The following KIF5C variants were observed in gnomAD, a reference collection of about 807,000 sequenced individuals.
KIF5C encodes the protein kinesin heavy chain isoform 5C.
KIF5C carries 18 observed loss-of-function variants against 125.2 expected under a neutral mutation model. The ratio of observed to expected loss-of-function variants is 0.14; its 90% CI spans 0.10 to 0.21. KIF5C has a LOEUF of 0.21. Ranked by LOEUF, KIF5C falls within the 10% of genes least tolerant of loss-of-function variation. The probability of loss-of-function intolerance (pLI) is 1.00; values close to 1 mark genes in which losing one functional copy is unlikely to be tolerated. For missense variants in KIF5C, 780 were observed against 1,183.8 expected (o/e 0.66, Z 5.01); for synonymous variants, 405 against 434.0 (o/e 0.93, Z 0.83).
intron 1 of KIF5C, among the ~76,000 whole-genome samples, chr2:148,896,226 T>A (rs1373158402): frequency 1.3e-5 from 2 of 152,084 alleles, no homozygotes; most frequent in Non-Finnish European, 2.9e-5. Flanking sequence ...AAGTTTAGAT[T>A]CCCTAGAAGA....
rs190474063 is a variant in KIF5C, at chr2:148,984,931, C to T, written c.1716+1165C>T. 4.0e-4 allele frequency among the ~76,000 whole-genome samples: 61 copies of T among 152,274 alleles called. No homozygotes were observed. In the East Asian group the frequency reaches 0.011, roughly 27 times the overall value. ...TCAGTCTGCCGAGTAGCTGGGATTACAGGCATGTGCCACCAGGCCCTGCTA... is the reference window on the plus strand; with the variant it reads ...TCAGTCTGCCGAGTAGCTGGGATTATAGGCATGTGCCACCAGGCCCTGCTA... On this transcript the variant is annotated intron_variant, in intron 15 of 25. Coordinates refer to ENST00000435030, the MANE Select transcript of KIF5C (RefSeq NM_004522.3).
At chr2:148,932,265 G>A (rs968914226) in intron 3 of KIF5C, among the ~76,000 whole-genome samples, 1 of 152,196 alleles carries the variant, frequency 6.6e-6, no homozygotes, top group African/African-American at 2.4e-5. Flanking sequence ...GAGTGTCCCT[G>A]AGTGGAAAGA....
At chr2:148,916,555 CT>C (rs1464530729) in intron 1 of KIF5C, among the ~76,000 whole-genome samples, 2 of 151,968 alleles carry the variant, frequency 1.3e-5, no homozygotes, top group East Asian at 1.9e-4. Flanking sequence ...ATGACCGTCA[CT>C]TTTTCATTTC....
At chr2:148,905,535 G>C (rs1417199561) in intron 1 of KIF5C, among the ~76,000 whole-genome samples, 1 of 152,026 alleles carries the variant, frequency 6.6e-6, no homozygotes, top group Non-Finnish European at 1.5e-5. Context: ...GAGGAAGGAT[G>C]CTGGGAGTGT....
intron 25 of KIF5C, among the ~76,000 whole-genome samples, chr2:149,013,765 G>T (rs1486823612): frequency 6.6e-6 from 1 of 152,054 alleles, no homozygotes; most frequent in Non-Finnish European, 1.5e-5. Flanking sequence ...TTCCAACAAA[G>T]GTCTGCCAGT....
chr2:148,940,941 A>T (rs1468066826), intron 4 of KIF5C, among the ~76,000 whole-genome samples: 1 of 152,182 alleles, frequency 6.6e-6, no homozygotes, highest in South Asian at 2.1e-4. Context: ...TGGGATTCGG[A>T]TTCAGCAGGA....
At chr2:148,976,249 ATTTATT>A (rs1289088340) in intron 12 of KIF5C, among the ~76,000 whole-genome samples, 1 of 111,256 alleles carries the variant, frequency 9.0e-6, no homozygotes, top group Non-Finnish European at 1.8e-5. Context: ...ATTTTGTTTT[ATTTATT>A]TATTTATTTA....
At position 148,924,761 on chromosome 2, in the gene KIF5C, C is replaced by T. The variant is rs1681926107; in HGVS notation, c.217+2534C>T. ...CTACAGAAGCCACACCAATCATTTG[C>T]CTTCCAAATTAACTAGATACAGATG... is the stretch of plus-strand genomic sequence containing the variant. On this transcript the variant is annotated intron_variant, in intron 2 of 25. Coordinates refer to ENST00000435030, the MANE Select transcript of KIF5C (RefSeq NM_004522.3). The surrounding 1 kb of genome is among the most constrained non-coding windows in gnomAD (Gnocchi z 4.0). 6.6e-6 allele frequency among the ~76,000 whole-genome samples: 1 copy of T among 152,166 alleles called. No individual in the cohort carries two copies. The highest frequency in any genetic ancestry group is 2.4e-5 in the African/African-American group (1 of 41,424).
At chr2:149,001,633 C>T (rs931953493) in intron 21 of KIF5C, among the ~76,000 whole-genome samples, 1 of 152,202 alleles carries the variant, frequency 6.6e-6, no homozygotes, top group Non-Finnish European at 1.5e-5. Context: ...GGCATCATCT[C>T]CTCTGGTCGG....
intron 10 of KIF5C, among the ~76,000 whole-genome samples, chr2:148,951,052 G>A (rs1302602574): frequency 1.3e-5 from 2 of 152,170 alleles, no homozygotes; most frequent in African/African-American, 4.8e-5. Flanking sequence ...GAAATGCATT[G>A]GGGTGTTACT....
At chr2:148,982,641 A>G (rs930867686) in intron 14 of KIF5C, among the ~76,000 whole-genome samples, 1 of 152,248 alleles carries the variant, frequency 6.6e-6, no homozygotes, top group African/African-American at 2.4e-5. Flanking sequence ...GCAGTTGGCA[A>G]TGCCAAACAA....
intron 17 of KIF5C, among the ~76,000 whole-genome samples, chr2:148,996,801 C>T (rs1458123592): frequency 6.6e-6 from 1 of 152,214 alleles, no homozygotes; most frequent in African/African-American, 2.4e-5. Flanking sequence ...GAATAAACGC[C>T]TACCCATGGG....
chr2:148,991,117 C>A lies in KIF5C; in HGVS notation c.1824C>A (p.Leu608=), dbSNP rs192709369. Residue 608 remains leucine, a synonymous_variant, in exon 16 of 26, where the codon CTC becomes CTA. Transcript: ENST00000435030. The part of the protein sequence containing the change: ...VKSLVNRSKQ[L]ESAQMDSNRK... Reference sequence around the variant, plus strand: ...CCCTGGTGAACCGCAGCAAACAGCTCGAGAGCGCCCAGATGGACTCCAACA... The same window carrying A: ...CCCTGGTGAACCGCAGCAAACAGCTAGAGAGCGCCCAGATGGACTCCAACA... The A allele has an allele frequency of 1.9e-6, 3 of 1,613,826 alleles. No individual in the cohort carries two copies. Among genetic ancestry groups the A allele is most frequent in the South Asian group, 1.1e-5 (1 of 91,060 alleles).
intron 14 of KIF5C, among the ~76,000 whole-genome samples, chr2:148,982,033 A>C (rs990381170): frequency 6.6e-6 from 1 of 152,356 alleles, no homozygotes; most frequent in Middle Eastern, 3.4e-3. Context: ...CGATATCAAT[A>C]CATACATCTC....
chr2:148,916,927 G>C (rs1410058725), intron 1 of KIF5C, among the ~76,000 whole-genome samples: 1 of 152,108 alleles, frequency 6.6e-6, no homozygotes, highest in Non-Finnish European at 1.5e-5. Context: ...ACCCTCTCCT[G>C]ATCTTTCTTT....
rs1211183201 is a variant in KIF5C, at chr2:149,025,917, C to G, written c.*2847C>G. The G allele has an allele frequency of 6.6e-6, 1 of 152,500 alleles. No homozygotes were observed. The highest frequency in any genetic ancestry group is 6.6e-5 in the Admixed American group (1 of 15,266). 9.4% of individuals were successfully genotyped at this position (152,500 alleles called of 1,614,324 possible). On this transcript the variant is annotated 3_prime_UTR_variant, in exon 26 of 26. Coordinates refer to ENST00000435030, the MANE Select transcript of KIF5C (RefSeq NM_004522.3). Reference sequence around the variant, plus strand: ...GAACAATAACAGTTTCGCGTTAAGACTTTTAAAGGAAATAGAATCGTGATT... The same window carrying G: ...GAACAATAACAGTTTCGCGTTAAGAGTTTTAAAGGAAATAGAATCGTGATT...
chr2:148,945,937 G>A (rs1157073702), intron 7 of KIF5C, among the ~76,000 whole-genome samples: 1 of 152,178 alleles, frequency 6.6e-6, no homozygotes, highest in Non-Finnish European at 1.5e-5. Context: ...ATGATATTAA[G>A]TCTTTCAATC....
chr2:148,999,621 C>G (rs2105185012), intron 19 of KIF5C, among the ~76,000 whole-genome samples: 1 of 152,310 alleles, frequency 6.6e-6, no homozygotes, highest in South Asian at 2.1e-4. Context: ...GGATATCTCA[C>G]ATTCGTTATT....
At chr2:148,916,278 G>A (rs1681545932) in intron 1 of KIF5C, among the ~76,000 whole-genome samples, 2 of 152,224 alleles carry the variant, frequency 1.3e-5, no homozygotes, top group Non-Finnish European at 1.5e-5. Context: ...GTGTACAAGT[G>A]CCTGTACCAG....
Sources: gnomAD v4.1 joint callset for allele counts (sites outside exome capture counted in the v4.1 genomes callset) on GRCh38, gnomAD v4.1.1 for gene constraint, Gnocchi (gnomAD v3.1) non-coding constraint, MANE v1.5 for transcripts, NCBI Gene and HGNC (gene_info 2026-07-23, HGNC 2026-07-21) for gene names.